KLHL18: variants seen among roughly 807,000 people sequenced by gnomAD.
KLHL18 encodes the protein kelch like family member 18, also known as kelch-like protein 18.
KLHL18 carries 38 observed loss-of-function variants against 58.5 expected under a neutral mutation model. The ratio of observed to expected loss-of-function variants is 0.65; its 90% CI spans 0.50 to 0.85. The LOEUF (loss-of-function observed/expected upper bound fraction) is 0.85, where lower values mean the gene tolerates loss of function less well. Ranked by LOEUF, KLHL18 falls within the 40% of genes least tolerant of loss-of-function variation. The probability of loss-of-function intolerance (pLI) is 0.00; values close to 1 mark genes in which losing one functional copy is unlikely to be tolerated. For missense variants in KLHL18, 624 were observed against 778.4 expected (o/e 0.80, Z 2.36); for synonymous variants, 303 against 301.9 (o/e 1.00, Z -0.04).
At chr3:47,308,802 TGGGTGTTTCTC>T (rs1198745311) in intron 1 of KLHL18, among the ~76,000 whole-genome samples, 1 of 151,752 alleles carries the variant, frequency 6.6e-6, no homozygotes, top group African/African-American at 2.4e-5. Context: ...TGATCATTCT[TGGGTGTTTCTC>T]GCAGAGGGGG....
Position 47,342,154 on chromosome 3 carries a change from A to C in KLHL18, c.1227-565A>C, listed in dbSNP as rs576813794. 1.5e-4 allele frequency among the ~76,000 whole-genome samples: 23 copies of C among 152,330 alleles called. No individual in the cohort carries two copies. In the East Asian group the frequency reaches 4.4e-3, roughly 29 times the overall value. On this transcript the variant is annotated intron_variant, in intron 8 of 9. Coordinates refer to ENST00000232766, the MANE Select transcript of KLHL18 (RefSeq NM_025010.5). ...CTCTTAGAGGAGACAGTGAGGAGCC[A>C]CTGGACGGACATGGTGCAGGTACAG... is the stretch of plus-strand genomic sequence containing the variant.
intron 3 of KLHL18, among the ~76,000 whole-genome samples, chr3:47,325,450 G>A (rs1703694385): frequency 1.3e-5 from 2 of 152,162 alleles, no homozygotes; most frequent in African/African-American, 2.4e-5. Flanking sequence ...GCCCGCCTCA[G>A]CCTCCCAAAG....
intron 1 of KLHL18, among the ~76,000 whole-genome samples, chr3:47,294,227 G>C (rs1221889912): frequency 1.3e-5 from 2 of 152,134 alleles, no homozygotes; most frequent in Non-Finnish European, 2.9e-5. Flanking sequence ...ATCTTATTCT[G>C]CTCTGAGTGG....
At chr3:47,286,326 T>A (rs1357525933) in intron 1 of KLHL18, among the ~76,000 whole-genome samples, 1 of 152,192 alleles carries the variant, frequency 6.6e-6, no homozygotes, top group African/African-American at 2.4e-5. Context: ...AACCAGGCTC[T>A]GCACATTTCA....
chr3:47,316,644 T>C (rs1703445768), intron 1 of KLHL18, among the ~76,000 whole-genome samples: 2 of 2,320 alleles, frequency 8.6e-4, no homozygotes, highest in Non-Finnish European at 8.3e-3. Flanking sequence ...TATATGTATA[T>C]GTGTGTGTAT....
chr3:47,328,401 A>G (rs1231490230), intron 3 of KLHL18, among the ~76,000 whole-genome samples: 1 of 152,108 alleles, frequency 6.6e-6, no homozygotes, highest in Non-Finnish European at 1.5e-5. Context: ...AAATTAAGAC[A>G]GCCATTAACT....
intron 1 of KLHL18, among the ~76,000 whole-genome samples, chr3:47,304,097 G>A (rs1703085005): frequency 6.6e-6 from 1 of 152,058 alleles, no homozygotes; most frequent in Non-Finnish European, 1.5e-5. Flanking sequence ...CACATACAGT[G>A]GCTAACAATG....
At chr3:47,309,120 A>G (rs1203593270) in intron 1 of KLHL18, among the ~76,000 whole-genome samples, 1 of 152,266 alleles carries the variant, frequency 6.6e-6, no homozygotes, top group Non-Finnish European at 1.5e-5. Context: ...CCCGAGGCAG[A>G]AGAATTTTTC....
intron 1 of KLHL18, among the ~76,000 whole-genome samples, chr3:47,312,905 A>ATTTTTT (rs35710141): frequency 5.9e-5 from 7 of 117,870 alleles, no homozygotes; most frequent in Non-Finnish European, 9.0e-5. Flanking sequence ...ATACCTTTTA[A>ATTTTTT]TTTTTTTTTT....
At chr3:47,303,495 T>G (rs1354768362) in intron 1 of KLHL18, among the ~76,000 whole-genome samples, 2 of 152,162 alleles carry the variant, frequency 1.3e-5, no homozygotes, top group Non-Finnish European at 2.9e-5. Flanking sequence ...TGACAAAACT[T>G]CAAAGGAACC....
At chr3:47,319,568 C>T (rs1703535092) in intron 1 of KLHL18, 85 bp from the exon 2 acceptor site, 4 of 1,460,474 alleles carry the variant, frequency 2.7e-6, no homozygotes, top group Non-Finnish European at 2.8e-6. Flanking sequence ...TGGAGCCGGG[C>T]GGAGGGGCAG....
chr3:47,285,450 C>T (rs1185724884), intron 1 of KLHL18, among the ~76,000 whole-genome samples: 1 of 152,138 alleles, frequency 6.6e-6, no homozygotes. Context: ...GGCACCGTGG[C>T]TCACGCCTAT....
chr3:47,343,889 C>A lies in KLHL18; in HGVS notation c.1673C>A (p.Ala558Glu), dbSNP rs748587580. 1 of 1,613,986 alleles carries A rather than the reference C, an allele frequency of 6.2e-7. No homozygotes were observed. Among genetic ancestry groups the A allele is most frequent in the African/African-American group, 1.3e-5 (1 of 74,898 alleles). Residue 558 changes from alanine (A) to glutamate (E), a missense_variant, in exon 10 of 10, where the codon GCG (alanine) becomes GAG (glutamate). Physicochemically the swap from Ala to Glu is moderately radical, Grantham distance 107 (BLOSUM62 -1). Coordinates refer to ENST00000232766, the MANE Select transcript of KLHL18 (RefSeq NM_025010.5). ...TGCTGGACATTCATGGCCCCCATGG[C>A]GTGCCATGAGGGAGGGGTCGGTGTG... ...TDCWTFMAPM[A>E]CHEGGVGVGC...
chr3:47,343,751 C>CG lies in KLHL18; in HGVS notation c.1536dup (p.Arg513AlafsTer33). 2 of 1,614,220 alleles carry CG rather than the reference C, an allele frequency of 1.2e-6. No homozygotes were observed. The highest frequency in any genetic ancestry group is 1.7e-6 in the Non-Finnish European group (2 of 1,180,042). Reference sequence around the variant, plus strand: ...TGGTGCCTGATTGTCCCCATGCACACGCGCAGGAGCCGGGTCTCCCTGGTG... The same window carrying CG: ...TGGTGCCTGATTGTCCCCATGCACACGGCGCAGGAGCCGGGTCTCCCTGGTG... On this transcript the variant is annotated frameshift_variant, in exon 10 of 10. Coordinates refer to ENST00000232766, the MANE Select transcript of KLHL18 (RefSeq NM_025010.5). LOFTEE classifies it high-confidence loss of function.
At chr3:47,341,896 TAAAAAA>T (rs10586716) in intron 8 of KLHL18, among the ~76,000 whole-genome samples, 3 of 125,764 alleles carry the variant, frequency 2.4e-5, no homozygotes, top group South Asian at 2.5e-4. Flanking sequence ...CTGTCTCTTT[TAAAAAA>T]AAAAAAAAAA....
Position 47,345,918 on chromosome 3 carries a change from C to T in KLHL18, c.*1977C>T, listed in dbSNP as rs1416312283. Reference sequence around the variant, plus strand: ...TTGAAAATGATATTTTTATTTTTAACGTCTCAACAATCTGATATCGGATGT... The same window carrying T: ...TTGAAAATGATATTTTTATTTTTAATGTCTCAACAATCTGATATCGGATGT... On this transcript the variant is annotated 3_prime_UTR_variant, in exon 10 of 10. Coordinates refer to ENST00000232766, the MANE Select transcript of KLHL18 (RefSeq NM_025010.5). 6.6e-6 allele frequency: 1 copy of T among 152,536 alleles called. No homozygotes were observed. The highest frequency in any genetic ancestry group is 2.4e-5 in the African/African-American group (1 of 41,412). The allele number at this position is 152,536 out of a possible 1,614,324, so 9.4% of individuals were successfully genotyped here.
In KLHL18 at chr3:47,344,069, T is replaced by G. The variant is rs1704174391; in HGVS notation, c.*128T>G. 5.7e-6 allele frequency: 7 copies of G among 1,238,614 alleles called. No homozygotes were observed. Among genetic ancestry groups the G allele is most frequent in the Non-Finnish European group, 7.7e-6 (7 of 906,726 alleles). The allele number at this position is 1,238,614 out of a possible 1,614,324, so 76.7% of individuals were successfully genotyped here. ...AAACGTGAGCTCGCCGGAGGTACAG[T>G]TTTTCCAGGTGCTTAAGCCCTCCCC... On this transcript the variant is annotated 3_prime_UTR_variant, in exon 10 of 10. Coordinates refer to ENST00000232766, the MANE Select transcript of KLHL18 (RefSeq NM_025010.5).
At chr3:47,332,462 G>A (rs1703886475) in intron 4 of KLHL18, among the ~76,000 whole-genome samples, 2 of 152,208 alleles carry the variant, frequency 1.3e-5, no homozygotes, top group Non-Finnish European at 2.9e-5. Context: ...CTAGAGAGGT[G>A]AAGCGGGCTT....
intron 1 of KLHL18, among the ~76,000 whole-genome samples, chr3:47,294,167 T>C (rs1253664479): frequency 2.0e-5 from 3 of 152,180 alleles, no homozygotes; most frequent in Non-Finnish European, 2.9e-5. Context: ...ACAGATTTCA[T>C]TGTAGGGAAT....
Sources: gnomAD v4.1 joint callset for allele counts (sites outside exome capture counted in the v4.1 genomes callset) on GRCh38, gnomAD v4.1.1 for gene constraint, MANE v1.5 for transcripts, NCBI Gene and HGNC (gene_info 2026-07-23, HGNC 2026-07-21) for gene names.